FYN: variants seen among roughly 807,000 people sequenced by gnomAD.
FYN encodes the protein FYN proto-oncogene, Src family tyrosine kinase, also known as tyrosine-protein kinase Fyn.
In FYN, 10 loss-of-function variants were observed where a neutral mutation model predicts 70.2. The ratio of observed to expected loss-of-function variants is 0.14; its 90% CI spans 0.09 to 0.24. The LOEUF is 0.24. Among genes scored for constraint, FYN ranks in the 10% least tolerant of loss-of-function variants. FYN has a pLI of 1.00. For synonymous variants in FYN, 236 were observed against 248.6 expected (o/e 0.95, Z 0.48); for missense variants, 319 against 673.1 (o/e 0.47, Z 5.82).
intron 3 of FYN, among the ~76,000 whole-genome samples, chr6:111,769,727 A>AT (rs1403991787): frequency 1.3e-5 from 2 of 151,852 alleles, no homozygotes; most frequent in African/African-American, 4.9e-5. Flanking sequence ...GAAAGAATGA[A>AT]TTAAAAAAAA....
intron 3 of FYN, among the ~76,000 whole-genome samples, chr6:111,752,969 A>G (rs182330356): frequency 6.6e-6 from 1 of 152,338 alleles, no homozygotes; most frequent in Non-Finnish European, 1.5e-5. Context: ...AGTATTTGAC[A>G]GTTTAGTGTA....
At chr6:111,756,936 C>CT (rs1488545943) in intron 3 of FYN, among the ~76,000 whole-genome samples, 53 of 152,258 alleles carry the variant, frequency 3.5e-4, no homozygotes, top group African/African-American at 1.2e-3. Flanking sequence ...TGTGCTATCC[C>CT]TACTTCCTAT....
chr6:111,720,179 G>A (rs1800864745), intron 3 of FYN, 117 bp from the exon 4 acceptor site: 6 of 1,186,012 alleles, frequency 5.1e-6, no homozygotes, highest in Non-Finnish European at 6.9e-6. Context: ...AGGCCTATTA[G>A]GGGGCATGAG....
At chr6:111,853,086 C>A (rs1457819945) in intron 1 of FYN, among the ~76,000 whole-genome samples, 1 of 149,182 alleles carries the variant, frequency 6.7e-6, no homozygotes, top group East Asian at 1.9e-4. Context: ...TCACCCAGAG[C>A]AGCACCTTTC....
intron 13 of FYN, among the ~76,000 whole-genome samples, chr6:111,672,851 T>C (rs1798347987): frequency 1.3e-5 from 2 of 152,042 alleles, no homozygotes. Context: ...ATGAGGGCAT[T>C]TTCTTTATGC....
At chr6:111,718,600 G>A (rs1363109272) in intron 4 of FYN, among the ~76,000 whole-genome samples, 1 of 152,166 alleles carries the variant, frequency 6.6e-6, no homozygotes, top group Non-Finnish European at 1.5e-5. Flanking sequence ...TCTCACGGTA[G>A]GCACAAGGAT....
intron 12 of FYN, among the ~76,000 whole-genome samples, chr6:111,683,669 T>C (rs957046531): frequency 2.0e-5 from 3 of 152,012 alleles, no homozygotes; most frequent in Non-Finnish European, 4.4e-5. Context: ...CAAATTATTA[T>C]ATCCAATATT....
intron 7 of FYN, among the ~76,000 whole-genome samples, chr6:111,703,526 C>G (rs939033982): frequency 1.2e-4 from 19 of 152,208 alleles, no homozygotes; most frequent in Non-Finnish European, 1.8e-4. Context: ...GCAAATTAAG[C>G]TAGAGGCCAC....
At chr6:111,699,505 T>G (rs978758380) in intron 9 of FYN, 3 of 1,610,272 alleles carry the variant, frequency 1.9e-6, no homozygotes, top group Non-Finnish European at 2.5e-6. Context: ...AAATGTGCCC[T>G]CTGCCTTACC....
chr6:111,762,855 C>T (rs576865515), intron 3 of FYN, among the ~76,000 whole-genome samples: 53 of 152,112 alleles, frequency 3.5e-4, no homozygotes, highest in Non-Finnish European at 6.2e-4. Flanking sequence ...CCACAGGTAA[C>T]TAAAAAAGTC....
chr6:111,844,061 G>A (rs1773446374), intron 2 of FYN, among the ~76,000 whole-genome samples: 1 of 152,212 alleles, frequency 6.6e-6, no homozygotes. Flanking sequence ...ACAGATCTGA[G>A]TAGAATCCTT....
intron 3 of FYN, among the ~76,000 whole-genome samples, chr6:111,748,532 A>G (rs777303995): frequency 4.6e-5 from 7 of 152,210 alleles, no homozygotes; most frequent in Non-Finnish European, 1.0e-4. Context: ...TAGTACTCAG[A>G]GACATTTTTG....
rs557677214 is a variant in FYN at position 111,761,972 on chromosome 6, G to A, written c.-12+18594C>T. On this transcript the variant is annotated intron_variant, in intron 3 of 13. Coordinates refer to ENST00000354650, the MANE Select transcript of FYN (RefSeq NM_002037.5). ...GCAGGACCTGCATTACATCATGGAGGAGTGTGGGTGGCTCGATGTTTTTTA... is the reference window on the plus strand; with the variant it reads ...GCAGGACCTGCATTACATCATGGAGAAGTGTGGGTGGCTCGATGTTTTTTA... Among the ~76,000 whole-genome samples, 3 of 152,340 alleles carry A rather than the reference G, an allele frequency of 2.0e-5. No homozygotes were observed. The East Asian group carries it at 5.8e-4, about 29-fold the overall frequency.
At chr6:111,711,306 T>C (rs1800365150) in intron 5 of FYN, among the ~76,000 whole-genome samples, 1 of 151,848 alleles carries the variant, frequency 6.6e-6, no homozygotes, top group African/African-American at 2.4e-5. Flanking sequence ...CCCTCAGCTG[T>C]GACCAATACT....
At chr6:111,693,437 T>C (rs1185895944) in intron 12 of FYN, among the ~76,000 whole-genome samples, 4 of 152,144 alleles carry the variant, frequency 2.6e-5, no homozygotes, top group African/African-American at 9.7e-5. Context: ...TATACTCGAT[T>C]GCAAACCACA....
chr6:111,771,495 C>T, intron 3 of FYN, among the ~76,000 whole-genome samples: 1 of 151,900 alleles, frequency 6.6e-6, no homozygotes, highest in East Asian at 1.9e-4. Context: ...TCTATGAAAC[C>T]CAACTTTCCC....
chr6:111,759,368 G>A (rs930849957), intron 3 of FYN, among the ~76,000 whole-genome samples: 1 of 152,118 alleles, frequency 6.6e-6, no homozygotes, highest in African/African-American at 2.4e-5. Context: ...CTGCCTGTCT[G>A]CCTCTCTTTT....
intron 2 of FYN, among the ~76,000 whole-genome samples, chr6:111,838,284 GTGAC>G (rs1773251016): frequency 6.6e-6 from 1 of 152,198 alleles, no homozygotes; most frequent in Non-Finnish European, 1.5e-5. Context: ...ACTCACAGTA[GTGAC>G]TGACTAAGCA....
chr6:111,689,273 G>A (rs549375561), intron 12 of FYN, among the ~76,000 whole-genome samples: 3 of 152,214 alleles, frequency 2.0e-5, no homozygotes, highest in Admixed American at 2.0e-4. Flanking sequence ...GGATCCTAAT[G>A]TCCAACCCCT....
Sources: allele counts gnomAD v4.1 joint callset (sites outside exome capture counted in the v4.1 genomes callset), GRCh38; gene constraint gnomAD v4.1.1; transcripts MANE v1.5; gene names NCBI Gene and HGNC (gene_info 2026-07-23, HGNC 2026-07-21).